NAT9: variants seen among roughly 807,000 people sequenced by gnomAD.
NAT9 encodes N-acetyltransferase 9.
In NAT9, 18 loss-of-function variants were observed where a neutral mutation model predicts 24.0. The observed-to-expected ratio is 0.75, with a 90% CI of 0.52 to 1.11. The LOEUF (loss-of-function observed/expected upper bound fraction) is 1.11, where lower values mean the gene tolerates loss of function less well. NAT9 is among the 50% of genes most tolerant of loss of function. The pLI is 0.00. For missense variants in NAT9, 254 were observed against 258.6 expected (o/e 0.98, Z 0.12); for synonymous variants, 104 against 102.3 (o/e 1.02, Z -0.10).
At chr17:74,773,507 C>G (rs949000097) in intron 3 of NAT9, 69 bp downstream of exon 3, 11 of 1,382,710 alleles carry the variant, frequency 8.0e-6, no homozygotes, top group Non-Finnish European at 9.2e-6. Context: ...AGGGAAGGAA[C>G]CTGGAGACTG....
Position 74,771,875 on chromosome 17 carries a change from G to A in NAT9, c.490-17C>T. On this transcript the variant is annotated splice_polypyrimidine_tract_variant and intron_variant, in intron 6 of 6. Transcript: ENST00000357814. ...CGTAGCCACCTACGTGAGCCAGAGAGAACAAAGCCTGCTAAGTTACAGTAT... is the reference window on the plus strand; with the variant it reads ...CGTAGCCACCTACGTGAGCCAGAGAAAACAAAGCCTGCTAAGTTACAGTAT... 1.2e-6 allele frequency: 2 copies of A among 1,614,244 alleles called. No individual in the cohort carries two copies. The highest frequency in any genetic ancestry group is 1.7e-6 in the Non-Finnish European group (2 of 1,180,044).
At position 74,771,482 on chromosome 17, in the gene NAT9, C is replaced by T; in HGVS notation, c.*242G>A. 1.7e-6 allele frequency: 1 copy of T among 604,294 alleles called. No homozygotes were observed. The highest frequency in any genetic ancestry group is 2.1e-5 in the South Asian group (1 of 47,832). 37.4% of individuals were successfully genotyped at this position (604,294 alleles called of 1,614,324 possible). The stretch of plus-strand genomic sequence containing the variant: ...GATCCCTGCCCTCCATTCCAGCTTC[C>T]TAGAGTCTGGGTCTGGGTTTGGCCG... On this transcript the variant is annotated 3_prime_UTR_variant, in exon 7 of 7. Transcript: ENST00000357814.
chr17:74,771,751 G>A lies in NAT9; in HGVS notation c.597C>T (p.Tyr199=), dbSNP rs2035224998. The change falls in exon 7 of 7, where the codon TAC becomes TAT. Residue 199 remains tyrosine, a synonymous_variant. Coordinates refer to ENST00000357814, the MANE Select transcript of NAT9 (RefSeq NM_015654.5). ...EQTSHVEEKP[Y]RDGSAEPC The stretch of plus-strand genomic sequence containing the variant: ...AGCAGGGCTCTGCCGACCCATCTCT[G>A]TAAGGCTTCTCTTCCACGTGGCTGG... 2 of 1,613,956 alleles carry A rather than the reference G, an allele frequency of 1.2e-6. No homozygotes were observed. The highest frequency in any genetic ancestry group is 1.3e-5 in the African/African-American group (1 of 75,064).
chr17:74,773,617 T>C lies in NAT9; in HGVS notation c.149A>G (p.Gln50Arg). 1 of 1,614,160 alleles carries C rather than the reference T, an allele frequency of 6.2e-7. No homozygotes were observed. The highest frequency in any genetic ancestry group is 8.5e-7 in the Non-Finnish European group (1 of 1,180,026). ...CCAGCTGCACTGCATGGCATACTCCTGCTCCAGGGTCAGCGGCTCCGAGGC... is the reference window on the plus strand; with the variant it reads ...CCAGCTGCACTGCATGGCATACTCCCGCTCCAGGGTCAGCGGCTCCGAGGC... ...LTASEPLTLEQEYAMQCSWQE... is the reference protein window; with the variant it reads ...LTASEPLTLEREYAMQCSWQE... The change falls in exon 3 of 7, where the codon CAG (glutamine) becomes CGG (arginine). Residue 50 changes from glutamine (Q) to arginine (R), a missense_variant. Coordinates refer to ENST00000357814, the MANE Select transcript of NAT9 (RefSeq NM_015654.5).
chr17:74,772,283 A>G lies in NAT9; in HGVS notation c.335-6T>C. 6.2e-7 allele frequency: 1 copy of G among 1,613,958 alleles called. No individual in the cohort carries two copies. The highest frequency in any genetic ancestry group is 8.5e-7 in the Non-Finnish European group (1 of 1,180,020). On this transcript the variant is annotated splice_region_variant and splice_polypyrimidine_tract_variant and intron_variant, in intron 4 of 6. Transcript: ENST00000357814. ...CTTACCCCTGCAGCTGGGCTCTAGG[A>G]GAGACAACAGGAGCGGCGCTGACGC... is the stretch of plus-strand genomic sequence containing the variant.
rs1598396674 is a variant in NAT9 at position 74,775,711 on chromosome 17, C to A, written c.-9-4G>T. The A allele has an allele frequency of 6.2e-7, 1 of 1,613,696 alleles. No individual in the cohort carries two copies. Among genetic ancestry groups the A allele is most frequent in the Non-Finnish European group, 8.5e-7 (1 of 1,179,666 alleles). ...GATTCAACCTCATGGTAGCAGCCTG[C>A]ATGCAGATGGGGAGAGCAAAGACTT... is the stretch of plus-strand genomic sequence containing the variant. On this transcript the variant is annotated splice_polypyrimidine_tract_variant and splice_region_variant and intron_variant, in intron 1 of 6. Transcript: ENST00000357814.
intron 4 of NAT9, 60 bp downstream of exon 4, chr17:74,772,836 G>C (rs1401686688): frequency 2.6e-5 from 42 of 1,605,508 alleles, no homozygotes; most frequent in Non-Finnish European, 3.2e-5. Context: ...GCCTCGGCAG[G>C]CTCAGTCAGC....
intron 4 of NAT9, 59 bp from the exon 5 acceptor site, chr17:74,772,336 T>A (rs1567837761): frequency 1.9e-6 from 3 of 1,594,914 alleles, no homozygotes; most frequent in Non-Finnish European, 2.6e-6. Flanking sequence ...TGCGGGCACT[T>A]GGCAGACACC....
Position 74,772,869 on chromosome 17 carries a change from C to T in NAT9, c.334+27G>A, listed in dbSNP as rs554350617. The T allele has an allele frequency of 8.1e-6, 13 of 1,612,880 alleles. No individual in the cohort carries two copies. In the South Asian group the frequency reaches 9.9e-5, roughly 12 times the overall value. ...AGCAGATCTGAGAGCCGGGAGTCAG[C>T]GGAAGGCAGGGCTAGGTGAAACAAA... On this transcript the variant is annotated intron_variant, in intron 4 of 6. Transcript: ENST00000357814.
intron 3 of NAT9, 88 bp downstream of exon 3, chr17:74,773,488 G>C: frequency 8.6e-7 from 1 of 1,167,278 alleles, no homozygotes; most frequent in African/African-American, 1.5e-5. Context: ...CTATGGCCGG[G>C]GCTGGGAAAG....
At position 74,771,988 on chromosome 17, in the gene NAT9, C is replaced by A; in HGVS notation, c.461G>T (p.Arg154Leu). 1.2e-6 allele frequency: 2 copies of A among 1,614,230 alleles called. No homozygotes were observed. Among genetic ancestry groups the A allele is most frequent in the Non-Finnish European group, 1.7e-6 (2 of 1,180,032 alleles). The change falls in exon 6 of 7, where the codon CGG becomes CTG. Residue 154 changes from arginine to leucine, a missense_variant. By Grantham distance (102) the Arg-to-Leu change is moderately radical (BLOSUM62 -2). Transcript: ENST00000357814. ...CTCAAAGTGAAGTTTCTGGAACATC[C>A]GGATGCTTGGTTCATTTCCTTGCCC... Reference protein sequence around the residue: ...KIGQGNEPSIRMFQKLHFEQV... With the variant: ...KIGQGNEPSILMFQKLHFEQV...
At position 74,771,507 on chromosome 17, in the gene NAT9, G is replaced by C; in HGVS notation, c.*217C>G. On this transcript the variant is annotated 3_prime_UTR_variant, in exon 7 of 7. Coordinates refer to ENST00000357814, the MANE Select transcript of NAT9 (RefSeq NM_015654.5). ...CTAGAGTCTGGGTCTGGGTTTGGCC[G>C]GGAGGGGAGAAGGGAACTGGCCCTG... is the stretch of plus-strand genomic sequence containing the variant. 1.4e-6 allele frequency: 1 copy of C among 694,936 alleles called. No homozygotes were observed. The highest frequency in any genetic ancestry group is 2.3e-6 in the Non-Finnish European group (1 of 427,892). 43.0% of individuals were successfully genotyped at this position (694,936 alleles called of 1,614,324 possible). A position where few individuals can be genotyped will look rare whatever the true frequency, so the allele number is the denominator to read the frequency against.
At chr17:74,772,111 T>A in intron 5 of NAT9, 57 bp from the exon 6 acceptor site, 1 of 1,613,800 alleles carries the variant, frequency 6.2e-7, no homozygotes, top group South Asian at 1.1e-5. Flanking sequence ...CACCCTCCTG[T>A]CCCAAGCTGC....
chr17:74,773,491 T>C (rs1175280074), intron 3 of NAT9, 85 bp downstream of exon 3: 14 of 1,213,042 alleles, frequency 1.2e-5, no homozygotes, highest in Non-Finnish European at 1.7e-5. Context: ...TGGCCGGGGC[T>C]GGGAAAGGGA....
Position 74,770,552 on chromosome 17 carries a change from T to C in NAT9, c.*1172A>G, listed in dbSNP as rs184950540. The C allele has an allele frequency of 1.3e-5, 2 of 152,136 alleles. No homozygotes were observed. Among genetic ancestry groups the C allele is most frequent in the Non-Finnish European group, 1.5e-5 (1 of 68,030 alleles). The allele number at this position is 152,136 out of a possible 1,614,324, so 9.4% of individuals were successfully genotyped here. On this transcript the variant is annotated 3_prime_UTR_variant, in exon 7 of 7. Transcript: ENST00000357814. ...GAGCCACGGCAAGCAACGCGTTCGT[T>C]TTATAATGTTTGTTTTATACTGAGG... is the stretch of plus-strand genomic sequence containing the variant.
Position 74,773,589 on chromosome 17 carries a change from C to T in NAT9, c.177G>A (p.Gln59=), listed in dbSNP as rs1315570128. Reference sequence around the variant, plus strand: ...GGCACTCCTCACTGTCTGCATCTTCCTGCCAGCTGCACTGCATGGCATACT... The same window carrying T: ...GGCACTCCTCACTGTCTGCATCTTCTTGCCAGCTGCACTGCATGGCATACT... The part of the protein sequence containing the change: ...EQEYAMQCSW[Q]EDADKCTFIV... Residue 59 remains glutamine (Q), a synonymous_variant, in exon 3 of 7, where the codon CAG becomes CAA. Coordinates refer to ENST00000357814, the MANE Select transcript of NAT9 (RefSeq NM_015654.5). 6 of 1,614,034 alleles carry T rather than the reference C, an allele frequency of 3.7e-6. No homozygotes were observed. The East Asian group carries it at 1.1e-4, about 30-fold the overall frequency.
At chr17:74,773,429 C>T (rs143393359) in intron 3 of NAT9, 147 bp downstream of exon 3, 99 of 677,402 alleles carry the variant, frequency 1.5e-4, no homozygotes, top group Non-Finnish European at 2.3e-4. Context: ...GGCTTCAGGG[C>T]CATGAGAATA....
At chr17:74,772,610 T>C (rs544279676) in intron 4 of NAT9, 22 of 1,384,910 alleles carry the variant, frequency 1.6e-5, no homozygotes, top group South Asian at 8.3e-5. Flanking sequence ...GAGACCTTTT[T>C]CTGAGGGTCC....
At chr17:74,775,571 T>C (rs770651644) in intron 2 of NAT9, 51 bp downstream of exon 2, 27 of 1,503,908 alleles carry the variant, frequency 1.8e-5, no homozygotes, top group Non-Finnish European at 2.5e-5. Context: ...GGGCTGTACC[T>C]TACACAGCTC....
Sources: gnomAD v4.1 joint callset for allele counts on GRCh38, gnomAD v4.1.1 for gene constraint, MANE v1.5 for transcripts, NCBI Gene and HGNC (gene_info 2026-07-23, HGNC 2026-07-21) for gene names.